Variants in IL9R observed in about 807,000 individuals in gnomAD.
IL9R encodes interleukin 9 receptor, also known as interleukin-9 receptor.
IL9R carries 54 observed loss-of-function variants against 56.3 expected under a neutral mutation model. The observed-to-expected ratio is 0.96, with a 90% CI of 0.77 to 1.20. The LOEUF is 1.20. IL9R is among the 50% of genes most tolerant of loss of function. IL9R has a pLI of 0.00. For missense variants in IL9R, 545 were observed against 629.8 expected, an observed-to-expected ratio of 0.87 and a Z score of 1.44; for synonymous variants, 212 against 250.2, an observed-to-expected ratio of 0.85 and a Z score of 1.44.
At chrX:156,009,268 G>A (rs868205777) in intron 8 of IL9R, among the ~76,000 whole-genome samples, 14,404 of 123,860 alleles carry the variant, frequency 0.12, 784 homozygotes, top group South Asian at 0.22. Context: ...GTGTGTGTTT[G>A]TGTGTGTATG....
At chrX:156,004,991 T>C (rs1372002104) in intron 5 of IL9R, among the ~76,000 whole-genome samples, 3 of 152,136 alleles carry the variant, frequency 2.0e-5, no homozygotes, top group Admixed American at 1.3e-4. Flanking sequence ...GTGCACACAC[T>C]TTTGTTTATG....
At chrX:156,004,845 CATGTT>C (rs893126946) in intron 5 of IL9R, among the ~76,000 whole-genome samples, 3 of 151,792 alleles carry the variant, frequency 2.0e-5, no homozygotes, top group African/African-American at 7.3e-5. Context: ...TGTGCACACT[CATGTT>C]TGTGTGCCCA....
At chrX:156,007,134 C>T (rs2068025505) in intron 7 of IL9R, among the ~76,000 whole-genome samples, 1 of 150,262 alleles carries the variant, frequency 6.7e-6, no homozygotes, top group African/African-American at 2.5e-5. Context: ...GTCAGTGGAT[C>T]CTTGGCAGCA....
intron 6 of IL9R, 28 bp from the exon 7 acceptor site, chrX:156,006,055 C>T (rs778472554): frequency 1.1e-5 from 16 of 1,402,310 alleles, no homozygotes; most frequent in South Asian, 9.3e-5. Flanking sequence ...TGAGGCTGCT[C>T]ACAGCCCTGG....
downstream of IL9R, among the ~76,000 whole-genome samples, chrX:156,011,360 G>C (rs1334862995): frequency 9.5e-6 from 1 of 104,956 alleles, no homozygotes; most frequent in Non-Finnish European, 1.7e-5. Flanking sequence ...CATGTTCTTG[G>C]GCTCCCATGA....
intron 8 of IL9R, among the ~76,000 whole-genome samples, chrX:156,009,431 G>T (rs2068336778): frequency 6.8e-6 from 1 of 147,516 alleles, no homozygotes; most frequent in South Asian, 2.1e-4. Context: ...GTGTATGTTT[G>T]TGTGTGTGTG....
rs1054073721 is a variant in IL9R, at chrX:156,007,343, G to T, written c.888-180G>T. 6.2e-3 allele frequency among the ~76,000 whole-genome samples: 927 copies of T among 150,708 alleles called. 18 individuals are homozygous for T. The highest frequency in any genetic ancestry group is 0.022 in the African/African-American group (890 of 40,724). On this transcript the variant is annotated intron_variant, in intron 7 of 8. Transcript: ENST00000244174. ...TAAATCAGTTCTATGCGGCCGTTAGGCAAGGAGGCCCAGTTGGGTCCTGCC... is the reference window on the plus strand; with the variant it reads ...TAAATCAGTTCTATGCGGCCGTTAGTCAAGGAGGCCCAGTTGGGTCCTGCC...
At chrX:156,009,073 C>CTGTGTGTGTT (rs1384327790) in intron 8 of IL9R, among the ~76,000 whole-genome samples, 2 of 95,776 alleles carry the variant, frequency 2.1e-5, no homozygotes, top group Non-Finnish European at 4.3e-5. Flanking sequence ...GTGTGTGTGT[C>CTGTGTGTGTT]TGTGTGTGTT....
intron 1 of IL9R, among the ~76,000 whole-genome samples, chrX:155,999,623 C>T (rs1239825703): frequency 1.3e-5 from 2 of 152,176 alleles, no homozygotes; most frequent in Non-Finnish European, 2.9e-5. Flanking sequence ...GAGCTGGCCC[C>T]TGCTCCCATT....
intron 1 of IL9R, 127 bp from the exon 2 acceptor site, chrX:156,002,779 T>C (rs2067619068): frequency 7.5e-7 from 1 of 1,338,208 alleles, no homozygotes; most frequent in Non-Finnish European, 1.1e-6. Flanking sequence ...GTGTGAGTGT[T>C]AGGACACAGG....
At chrX:155,998,175 G>C (rs2067265144) in intron 1 of IL9R, among the ~76,000 whole-genome samples, 1 of 151,978 alleles carries the variant, frequency 6.6e-6, no homozygotes, top group Admixed American at 6.6e-5. Flanking sequence ...ATGGCCATGG[G>C]GTGGAGCTGA....
Position 156,006,163 on chromosome X carries a change from T to C in IL9R, c.862T>C (p.Tyr288His), listed in dbSNP as rs1335625563. ...CTTTCTCCTGCTGACTGGCCCGACC[T>C]ACCTCCTGTTCAAGCTGTCGCCCAG... ...SIFLLLTGPT[Y>H]LLFKLSPRVK... Residue 288 changes from tyrosine (Y) to histidine (H), a missense_variant, in exon 7 of 9, where the codon TAC becomes CAC. Tyr to His is a moderately conservative substitution (Grantham distance 83). This residue lies in a region of IL9R where 431 missense variants were observed against 360.0 expected (regional missense o/e 1.20). Coordinates refer to ENST00000244174, the MANE Select transcript of IL9R (RefSeq NM_002186.3). 12 of 1,436,334 alleles carry C rather than the reference T, an allele frequency of 8.4e-6. No individual in the cohort carries two copies. Among genetic ancestry groups the C allele is most frequent in the East Asian group, 4.5e-5 (2 of 44,040 alleles). The allele number at this position is 1,436,334 out of a possible 1,614,324, so 89.0% of individuals were successfully genotyped here.
intron 1 of IL9R, among the ~76,000 whole-genome samples, chrX:156,000,043 G>A (rs2067406833): frequency 6.6e-6 from 1 of 151,874 alleles, no homozygotes; most frequent in East Asian, 1.9e-4. Flanking sequence ...GGCTGAAGCA[G>A]GAGGATCACT....
chrX:156,006,568 C>T (rs189864413), intron 7 of IL9R, among the ~76,000 whole-genome samples: 48 of 151,208 alleles, frequency 3.2e-4, no homozygotes, highest in Admixed American at 2.0e-3. Flanking sequence ...ACATGTTCTA[C>T]GAAAGGACAG....
At chrX:156,009,073 CTGTGTGTGTT>C (rs1384327790) in intron 8 of IL9R, among the ~76,000 whole-genome samples, 1 of 95,772 alleles carries the variant, frequency 1.0e-5, no homozygotes, top group African/African-American at 4.4e-5. Flanking sequence ...GTGTGTGTGT[CTGTGTGTGTT>C]TGTGTGTGTG....
intron 7 of IL9R, among the ~76,000 whole-genome samples, chrX:156,006,523 C>T (rs1372858015): frequency 6.6e-6 from 1 of 150,904 alleles, no homozygotes; most frequent in Non-Finnish European, 1.5e-5. Flanking sequence ...TCCTAGTCTC[C>T]TGCCTCTGGA....
chrX:156,007,454 T>A (rs1413977843), intron 7 of IL9R, 69 bp from the exon 8 acceptor site: 1 of 846,330 alleles, frequency 1.2e-6, no homozygotes, highest in Non-Finnish European at 2.0e-6. Context: ...GGAAGGAAGC[T>A]CAGCCTCTGC....
Position 156,003,792 on chromosome X carries a change from C to T in IL9R, c.370C>T (p.His124Tyr). The T allele has an allele frequency of 6.2e-7, 1 of 1,614,018 alleles. No homozygotes were observed. Among genetic ancestry groups the T allele is most frequent in the Non-Finnish European group, 8.5e-7 (1 of 1,179,876 alleles). Residue 124 changes from histidine (H) to tyrosine (Y), a missense_variant, in exon 4 of 9, where the codon CAC (histidine) becomes TAC (tyrosine). By Grantham distance (83) the His-to-Tyr change is moderately conservative (BLOSUM62 2). Coordinates refer to ENST00000244174, the MANE Select transcript of IL9R (RefSeq NM_002186.3). Reference sequence around the variant, plus strand: ...TGACAATTTCACCATCACTTTCCACCACTGCATGTCTGGGAGGGAGCAGGT... The same window carrying T: ...TGACAATTTCACCATCACTTTCCACTACTGCATGTCTGGGAGGGAGCAGGT... ...PSDNFTITFH[H>Y]CMSGREQVSL...
intron 7 of IL9R, among the ~76,000 whole-genome samples, chrX:156,006,431 AG>A (rs778101070): frequency 4.3e-4 from 63 of 145,810 alleles, no homozygotes; most frequent in African/African-American, 1.5e-3. Flanking sequence ...AGAGCAGGGA[AG>A]GGGGGTCTGA....
Sources: allele counts gnomAD v4.1 joint callset (sites outside exome capture counted in the v4.1 genomes callset), GRCh38; gene constraint gnomAD v4.1.1; regional missense constraint gnomAD v4.1.1; transcripts MANE v1.5; gene names NCBI Gene and HGNC (gene_info 2026-07-23, HGNC 2026-07-21).